Variants in PTPRT observed in about 807,000 individuals in gnomAD.
PTPRT encodes the protein protein tyrosine phosphatase receptor type T, also known as receptor-type tyrosine-protein phosphatase T.
A neutral mutation model predicts 176.8 loss-of-function variants in PTPRT; 56 were observed. The observed-to-expected ratio is 0.32, with a 90% confidence interval of 0.26 to 0.40. PTPRT has a LOEUF of 0.40. PTPRT is among the 10% of genes least tolerant of loss of function. The probability of loss-of-function intolerance (pLI) is 1.00; values close to 1 mark genes in which losing one functional copy is unlikely to be tolerated. For missense variants in PTPRT, 1,540 were observed against 1,908.2 expected (o/e 0.81, Z 3.60); for synonymous variants, 783 against 739.0 (o/e 1.06, Z -0.96).
At position 42,776,103 on chromosome 20, in the gene PTPRT, A is replaced by G. The variant is rs1364366815; in HGVS notation, c.568+4115T>C. Among the ~76,000 whole-genome samples, 11 of 152,056 alleles carry G rather than the reference A, an allele frequency of 7.2e-5. 1 individual carries two copies. The highest frequency in any genetic ancestry group is 6.5e-4 in the Admixed American group (10 of 15,280). On this transcript the variant is annotated intron_variant, in intron 4 of 30. Transcript: ENST00000373187. Reference sequence around the variant, plus strand: ...TCTCACCACCTTGCTTAAGCTACAAATCTGTGAGTGCACTATCTCCGATGC... The same window carrying G: ...TCTCACCACCTTGCTTAAGCTACAAGTCTGTGAGTGCACTATCTCCGATGC...
chr20:42,680,043 G>A (rs550136313), intron 6 of PTPRT, among the ~76,000 whole-genome samples: 1 of 152,314 alleles, frequency 6.6e-6, no homozygotes, highest in African/African-American at 2.4e-5. Context: ...ATTTGTTTGA[G>A]AATATTTCAC....
At chr20:43,143,044 T>G (rs1206531795) in intron 1 of PTPRT, among the ~76,000 whole-genome samples, 5 of 152,180 alleles carry the variant, frequency 3.3e-5, no homozygotes, top group Non-Finnish European at 5.9e-5. Context: ...AGCATGGGGC[T>G]GAGCTGGATT....
At chr20:42,995,967 C>T (rs567387868) in intron 1 of PTPRT, among the ~76,000 whole-genome samples, 2 of 152,020 alleles carry the variant, frequency 1.3e-5, no homozygotes, top group African/African-American at 2.4e-5. Context: ...AGGCATATGT[C>T]GCACATCACT....
intron 7 of PTPRT, among the ~76,000 whole-genome samples, chr20:42,502,649 T>C (rs906977061): frequency 6.6e-6 from 1 of 152,118 alleles, no homozygotes; most frequent in African/African-American, 2.4e-5. Flanking sequence ...GATCAGACTA[T>C]ATGAATAGAT....
chr20:42,670,762 C>T (rs892094092), intron 7 of PTPRT, among the ~76,000 whole-genome samples: 1 of 152,134 alleles, frequency 6.6e-6, no homozygotes, highest in Non-Finnish European at 1.5e-5. Flanking sequence ...GCTAAGATTA[C>T]GTGACTTGCT....
intron 21 of PTPRT, among the ~76,000 whole-genome samples, chr20:42,117,051 T>C (rs1987323275): frequency 6.6e-6 from 1 of 152,164 alleles, no homozygotes. Context: ...TCAGATTTTG[T>C]GCCTAGGTTT....
intron 12 of PTPRT, among the ~76,000 whole-genome samples, chr20:42,289,525 A>G (rs1482045156): frequency 6.6e-6 from 1 of 152,092 alleles, no homozygotes; most frequent in Non-Finnish European, 1.5e-5. Context: ...AACAAACATG[A>G]AAAAATGCTC....
At chr20:42,668,381 A>T (rs2075353442) in intron 7 of PTPRT, among the ~76,000 whole-genome samples, 1 of 152,204 alleles carries the variant, frequency 6.6e-6, no homozygotes, top group Admixed American at 6.5e-5. Context: ...AGAAGACCTG[A>T]GGGACTTCCA....
chr20:42,546,191 G>T (rs2072670289), intron 7 of PTPRT, among the ~76,000 whole-genome samples: 1 of 152,130 alleles, frequency 6.6e-6, no homozygotes, highest in Admixed American at 6.5e-5. Flanking sequence ...CACAAATCGG[G>T]CAAACCCCAG....
At chr20:42,049,590 C>T in the PTPRT span, among the ~76,000 whole-genome samples, 13 of 152,156 alleles carry the variant, frequency 8.5e-5, no homozygotes, top group African/African-American at 2.7e-4. Flanking sequence ...AACCAAATTC[C>T]CTCATTCCCC....
chr20:42,597,383 T>C (rs1197136137), intron 7 of PTPRT, among the ~76,000 whole-genome samples: 2 of 152,206 alleles, frequency 1.3e-5, no homozygotes. Flanking sequence ...TGCCATATTC[T>C]ATGGCGATAT....
intron 1 of PTPRT, among the ~76,000 whole-genome samples, chr20:43,156,355 C>T (rs1223551620): frequency 3.3e-5 from 5 of 152,134 alleles, no homozygotes; most frequent in East Asian, 1.9e-4. Context: ...AAAAAGGGAG[C>T]GGGTGCCTGT....
intron 7 of PTPRT, among the ~76,000 whole-genome samples, chr20:42,667,523 TG>T (rs1332528712): frequency 6.6e-6 from 1 of 152,200 alleles, no homozygotes; most frequent in African/African-American, 2.4e-5. Context: ...TTAATATATT[TG>T]GGATGCTATT....
At chr20:43,044,170 TC>T (rs1986742981) in intron 1 of PTPRT, among the ~76,000 whole-genome samples, 1 of 151,984 alleles carries the variant, frequency 6.6e-6, no homozygotes, top group South Asian at 2.1e-4. Context: ...CAGCCTTGGG[TC>T]CTGGCAGGAG....
At chr20:42,173,254 G>C (rs896573914) in intron 16 of PTPRT, among the ~76,000 whole-genome samples, 2 of 152,132 alleles carry the variant, frequency 1.3e-5, no homozygotes, top group African/African-American at 4.8e-5. Context: ...GTTAGGAAAG[G>C]AGACCTCTGT....
intron 9 of PTPRT, among the ~76,000 whole-genome samples, chr20:42,407,671 T>G (rs1301764112): frequency 6.6e-6 from 1 of 152,104 alleles, no homozygotes; most frequent in Non-Finnish European, 1.5e-5. Flanking sequence ...CCAATGCACT[T>G]AGTAAAGAAA....
chr20:43,170,609 C>T (rs2014972809), intron 1 of PTPRT, among the ~76,000 whole-genome samples: 1 of 152,144 alleles, frequency 6.6e-6, no homozygotes, highest in Non-Finnish European at 1.5e-5. Context: ...ATATTATAAC[C>T]ACCACTGCTA....
chr20:43,121,110 G>A (rs538868016), intron 1 of PTPRT, among the ~76,000 whole-genome samples: 19 of 151,704 alleles, frequency 1.3e-4, no homozygotes, highest in East Asian at 1.9e-4. Flanking sequence ...GGTATCATAC[G>A]CTATGTTGTT....
At chr20:42,167,215 CAT>C (rs1989867672) in intron 16 of PTPRT, among the ~76,000 whole-genome samples, 1 of 152,152 alleles carries the variant, frequency 6.6e-6, no homozygotes, top group Admixed American at 6.5e-5. Flanking sequence ...TCATATTGGA[CAT>C]ATGAGAATCC....
Sources: allele counts gnomAD v4.1 joint callset (sites outside exome capture counted in the v4.1 genomes callset), GRCh38; gene constraint gnomAD v4.1.1; transcripts MANE v1.5; gene names NCBI Gene and HGNC (gene_info 2026-07-23, HGNC 2026-07-21).